KLF12: variants seen among roughly 807,000 people sequenced by gnomAD.
KLF12 encodes the protein KLF transcription factor 12.
Under a neutral mutation model 37.8 loss-of-function variants are expected in KLF12, and 9 were observed. That is an observed-to-expected ratio of 0.24 (90% confidence interval 0.14 to 0.42). KLF12 has a LOEUF of 0.42. Among genes scored for constraint, KLF12 ranks in the 10% least tolerant of loss-of-function variants. The probability of loss-of-function intolerance (pLI) is 1.00; values close to 1 mark genes in which losing one functional copy is unlikely to be tolerated. For synonymous variants in KLF12, 208 were observed against 202.1 expected, an observed-to-expected ratio of 1.03 and a Z score of -0.25; for missense variants, 411 against 516.0, an observed-to-expected ratio of 0.80 and a Z score of 1.97.
At chr13:73,871,748 C>G (rs1188179797) in intron 3 of KLF12, among the ~76,000 whole-genome samples, 1 of 152,168 alleles carries the variant, frequency 6.6e-6, no homozygotes, top group African/African-American at 2.4e-5. Flanking sequence ...CATGACGCAT[C>G]CTGATGCTCA....
chr13:74,259,670 C>T, the KLF12 span: 1 of 152,170 alleles, frequency 6.6e-6, no homozygotes, highest in Non-Finnish European at 1.5e-5. Flanking sequence ...AGTCCTTGTT[C>T]TCCACTTCTT....
At chr13:74,101,590 T>C (rs1004255772) in intron 1 of KLF12, among the ~76,000 whole-genome samples, 1 of 151,902 alleles carries the variant, frequency 6.6e-6, no homozygotes, top group African/African-American at 2.4e-5. Context: ...GCAGAGAAAA[T>C]ACAAGATGAG....
the KLF12 span, among the ~76,000 whole-genome samples, chr13:74,304,928 G>C: frequency 6.6e-6 from 1 of 152,168 alleles, no homozygotes; most frequent in African/African-American, 2.4e-5. Flanking sequence ...CATTGCCGAG[G>C]ATAATTCTTC....
At chr13:73,706,039 C>G (rs1236535221) in intron 7 of KLF12, among the ~76,000 whole-genome samples, 1 of 152,154 alleles carries the variant, frequency 6.6e-6, no homozygotes, top group Non-Finnish European at 1.5e-5. Flanking sequence ...GTAGTCCCAG[C>G]CACTTGGGAG....
At chr13:74,169,918 C>T in the KLF12 span, among the ~76,000 whole-genome samples, 1 of 152,168 alleles carries the variant, frequency 6.6e-6, no homozygotes, top group East Asian at 1.9e-4. Context: ...CCCAAGGGGT[C>T]AACAGCTGCA....
chr13:73,767,261 G>A (rs1299618599), intron 5 of KLF12, among the ~76,000 whole-genome samples: 4 of 152,116 alleles, frequency 2.6e-5, no homozygotes, highest in East Asian at 1.9e-4. Flanking sequence ...AGCCAGGCAG[G>A]TAGCAACGTC....
the KLF12 span, among the ~76,000 whole-genome samples, chr13:74,172,869 G>C: frequency 6.6e-6 from 1 of 152,148 alleles, no homozygotes; most frequent in Non-Finnish European, 1.5e-5. Flanking sequence ...ACCTGCCTCA[G>C]GTCCACCCTT....
chr13:73,739,343 C>T (rs1380841953), intron 6 of KLF12, among the ~76,000 whole-genome samples: 1 of 151,758 alleles, frequency 6.6e-6, no homozygotes, highest in Non-Finnish European at 1.5e-5. Context: ...TGAAGCAGTG[C>T]CTGGTAAATA....
intron 2 of KLF12, 111 bp downstream of exon 2, chr13:73,994,879 A>C (rs978640201): frequency 5.2e-6 from 4 of 763,062 alleles, no homozygotes; most frequent in Non-Finnish European, 9.4e-6. Context: ...GTAAGTACTG[A>C]CCTCTGTCTC....
At chr13:73,755,618 TC>T (rs111342486) in intron 6 of KLF12, among the ~76,000 whole-genome samples, 46,843 of 147,770 alleles carry the variant, frequency 0.32, 7,649 homozygotes, top group African/African-American at 0.42. Context: ...GCACTTTCTC[TC>T]TTTTTTTTTT....
chr13:73,837,119 C>G (rs1199666653), intron 4 of KLF12, among the ~76,000 whole-genome samples: 1 of 152,100 alleles, frequency 6.6e-6, no homozygotes, highest in African/African-American at 2.4e-5. Context: ...GTATCCATAC[C>G]TTCTCCTCTT....
At chr13:73,842,745 T>C (rs1363867022) in intron 4 of KLF12, among the ~76,000 whole-genome samples, 1 of 152,224 alleles carries the variant, frequency 6.6e-6, no homozygotes. Context: ...CCTTTGCTCA[T>C]GCATACCAGA....
At chr13:74,126,309 C>T (rs1385679600) in intron 1 of KLF12, among the ~76,000 whole-genome samples, 1 of 152,030 alleles carries the variant, frequency 6.6e-6, no homozygotes, top group Non-Finnish European at 1.5e-5. Context: ...TGAAAGCATA[C>T]AAAACTCAAA....
the KLF12 span, among the ~76,000 whole-genome samples, chr13:74,298,649 G>T: frequency 2.0e-5 from 3 of 152,132 alleles, no homozygotes; most frequent in Non-Finnish European, 4.4e-5. Context: ...AAGTTATAGA[G>T]GCTGGAGAAG....
intron 6 of KLF12, among the ~76,000 whole-genome samples, chr13:73,725,523 G>A (rs1876595682): frequency 6.6e-6 from 1 of 152,012 alleles, no homozygotes. Context: ...AAAACTATGT[G>A]ATAGTCAAAC....
chr13:74,216,264 A>T, the KLF12 span, among the ~76,000 whole-genome samples: 1 of 152,200 alleles, frequency 6.6e-6, no homozygotes, highest in African/African-American at 2.4e-5. Context: ...ACCCACACAC[A>T]CACAAACAGA....
intron 1 of KLF12, among the ~76,000 whole-genome samples, chr13:74,031,985 G>A (rs1893127906): frequency 6.6e-6 from 1 of 152,090 alleles, no homozygotes; most frequent in African/African-American, 2.4e-5. Context: ...CTTCACTGAG[G>A]TGGGAAGCTA....
chr13:74,064,092 A>C (rs1873766233), intron 1 of KLF12, among the ~76,000 whole-genome samples: 1 of 152,090 alleles, frequency 6.6e-6, no homozygotes, highest in Admixed American at 6.5e-5. Flanking sequence ...AGAGGAAAAA[A>C]ATCACAAACA....
intron 3 of KLF12, among the ~76,000 whole-genome samples, chr13:73,932,420 C>A (rs1456578037): frequency 3.9e-5 from 6 of 152,202 alleles, no homozygotes; most frequent in Admixed American, 2.6e-4. Flanking sequence ...GTCACCAGGT[C>A]GAATGCCTTC....
Sources: allele counts gnomAD v4.1 joint callset (sites outside exome capture counted in the v4.1 genomes callset), GRCh38; gene constraint gnomAD v4.1.1; transcripts MANE v1.5; gene names NCBI Gene and HGNC (gene_info 2026-07-23, HGNC 2026-07-21).